Variants in AGPAT5 observed in about 807,000 individuals in gnomAD.
AGPAT5 encodes the protein 1-acyl-sn-glycerol-3-phosphate acyltransferase epsilon.
AGPAT5 carries 46 observed loss-of-function variants against 45.6 expected under a neutral mutation model. The ratio of observed to expected loss-of-function variants is 1.01; its 90% CI spans 0.80 to 1.29. AGPAT5 has a LOEUF of 1.29. Ranked by LOEUF, AGPAT5 falls within the 50% of genes most tolerant of loss-of-function variation. The pLI is 0.00. For missense variants in AGPAT5, 673 were observed against 450.7 expected, an observed-to-expected ratio of 1.49 and a Z score of -4.47; for synonymous variants, 272 against 167.0, an observed-to-expected ratio of 1.63 and a Z score of -4.85.
chr8:6,757,962 G>C lies in AGPAT5; in HGVS notation c.*574G>C, dbSNP rs1254828157. On this transcript the variant is annotated 3_prime_UTR_variant, in exon 8 of 8. Coordinates refer to ENST00000285518, the MANE Select transcript of AGPAT5 (RefSeq NM_018361.5). Reference sequence around the variant, plus strand: ...ATGATTTTATTGTATTGCGTTATTAGCTGATTTTACTCATTTTATATTTGC... The same window carrying C: ...ATGATTTTATTGTATTGCGTTATTACCTGATTTTACTCATTTTATATTTGC... 1 of 152,172 alleles carries C rather than the reference G, an allele frequency of 6.6e-6. No individual in the cohort carries two copies. The highest frequency in any genetic ancestry group is 1.5e-5 in the Non-Finnish European group (1 of 68,048). The allele number at this position is 152,172 out of a possible 1,614,324, so 9.4% of individuals were successfully genotyped here.
At chr8:6,715,538 ACCATTCTTCC>A (rs1177898579) in intron 1 of AGPAT5, among the ~76,000 whole-genome samples, 4 of 152,160 alleles carry the variant, frequency 2.6e-5, no homozygotes, top group African/African-American at 9.7e-5. Context: ...CAAAGTAGGC[ACCATTCTTCC>A]TCTTTTACAG....
At chr8:6,719,978 A>C (rs1243816227) in intron 1 of AGPAT5, among the ~76,000 whole-genome samples, 1 of 152,226 alleles carries the variant, frequency 6.6e-6, no homozygotes, top group Non-Finnish European at 1.5e-5. Flanking sequence ...TGTATTGATC[A>C]GTGGTTGGGA....
At chr8:6,756,022 A>G (rs969883108) in intron 7 of AGPAT5, among the ~76,000 whole-genome samples, 1 of 152,238 alleles carries the variant, frequency 6.6e-6, no homozygotes, top group Non-Finnish European at 1.5e-5. Context: ...TTATTTTATA[A>G]GTATTTAGAA....
intron 4 of AGPAT5, among the ~76,000 whole-genome samples, chr8:6,733,554 C>A (rs1385902512): frequency 6.6e-6 from 1 of 152,152 alleles, no homozygotes; most frequent in Non-Finnish European, 1.5e-5. Context: ...AACAGTGACC[C>A]TTTATCCTGT....
At chr8:6,753,783 T>C (rs978754853) in intron 6 of AGPAT5, among the ~76,000 whole-genome samples, 34 of 152,206 alleles carry the variant, frequency 2.2e-4, no homozygotes, top group African/African-American at 7.7e-4. Context: ...ATTAAAATCT[T>C]TATTTTAGTG....
chr8:6,725,207 C>G (rs186476272), intron 2 of AGPAT5, among the ~76,000 whole-genome samples: 2 of 152,270 alleles, frequency 1.3e-5, no homozygotes, highest in Admixed American at 1.3e-4. Context: ...CTTTGTGTAG[C>G]TCTTTAAAGA....
intron 4 of AGPAT5, among the ~76,000 whole-genome samples, chr8:6,735,090 T>C (rs534937604): frequency 3.9e-5 from 6 of 152,326 alleles, no homozygotes; most frequent in African/African-American, 1.2e-4. Context: ...TGGAGCCTTC[T>C]CTGATCCTGC....
At chr8:6,751,509 T>G (rs1017613270) in intron 6 of AGPAT5, among the ~76,000 whole-genome samples, 2 of 152,216 alleles carry the variant, frequency 1.3e-5, no homozygotes, top group East Asian at 3.8e-4. Flanking sequence ...ACAGGAATTC[T>G]TGTAGTCACC....
At chr8:6,733,068 C>G (rs1554511132) in intron 4 of AGPAT5, among the ~76,000 whole-genome samples, 1 of 151,620 alleles carries the variant, frequency 6.6e-6, no homozygotes, top group Non-Finnish European at 1.5e-5. Context: ...ACAGAAAAAC[C>G]AAAAAAGGAT....
chr8:6,737,364 C>T (rs963774753), intron 4 of AGPAT5, among the ~76,000 whole-genome samples: 5 of 152,162 alleles, frequency 3.3e-5, no homozygotes, highest in South Asian at 4.1e-4. Flanking sequence ...AGTCAACTTT[C>T]GTGTGGCTTA....
intron 1 of AGPAT5, among the ~76,000 whole-genome samples, chr8:6,715,999 G>A (rs1426973370): frequency 1.3e-5 from 2 of 152,062 alleles, no homozygotes; most frequent in African/African-American, 2.4e-5. Context: ...TTTCATTCTA[G>A]TCTAGCTTTT....
rs1335398193 is a variant in AGPAT5 at position 6,734,267 on chromosome 8, T to TA, written c.495+1619dup. Among the ~76,000 whole-genome samples, 11 of 150,076 alleles carry TA rather than the reference T, an allele frequency of 7.3e-5. No homozygotes were observed. In the East Asian group the frequency reaches 8.0e-4, roughly 11 times the overall value. ...ATTCGTTTTTTGTTGGTTTTTTTTT[T>TA]AATTTTTTTTTTTACGCCCCCTCCC... On this transcript the variant is annotated intron_variant, in intron 4 of 7. Transcript: ENST00000285518.
intron 5 of AGPAT5, among the ~76,000 whole-genome samples, chr8:6,743,372 T>C (rs931462870): frequency 7.2e-5 from 11 of 152,214 alleles, no homozygotes; most frequent in Non-Finnish European, 2.9e-5. Context: ...AATTGTCCAT[T>C]AGAGAGCTTC....
At position 6,732,430 on chromosome 8, in the gene AGPAT5, T is replaced by C. The variant is rs571305789; in HGVS notation, c.406-131T>C. ...CTTTAGAAGCTAATGTTTGAAGATA[T>C]TAAATATAGATTAAATTCTGAAATG... On this transcript the variant is annotated intron_variant, in intron 3 of 7. Transcript: ENST00000285518. 1.3e-5 allele frequency: 8 copies of C among 607,362 alleles called. No homozygotes were observed. The Admixed American group carries it at 1.9e-4, about 14-fold the overall frequency. The allele number at this position is 607,362 out of a possible 1,614,324, so 37.6% of individuals were successfully genotyped here. A position where few individuals can be genotyped will look rare whatever the true frequency, so the allele number is the denominator to read the frequency against.
intron 2 of AGPAT5, among the ~76,000 whole-genome samples, chr8:6,729,347 T>TC: frequency 6.7e-6 from 1 of 149,588 alleles, no homozygotes; most frequent in East Asian, 1.9e-4. Flanking sequence ...TCTACAGACT[T>TC]TTTTTTTTTT....
At chr8:6,741,431 C>T (rs183733280) in intron 4 of AGPAT5, among the ~76,000 whole-genome samples, 31 of 152,204 alleles carry the variant, frequency 2.0e-4, no homozygotes, top group Non-Finnish European at 1.3e-4. Flanking sequence ...TCATGGCTGA[C>T]CTACCAATGA....
At chr8:6,719,296 A>T (rs1800426582) in intron 1 of AGPAT5, among the ~76,000 whole-genome samples, 1 of 152,240 alleles carries the variant, frequency 6.6e-6, no homozygotes, top group South Asian at 2.1e-4. Context: ...AAGTTCAGTT[A>T]GTTCAGTATG....
intron 4 of AGPAT5, among the ~76,000 whole-genome samples, chr8:6,741,348 A>G (rs1364254469): frequency 1.3e-5 from 2 of 152,130 alleles, no homozygotes; most frequent in East Asian, 3.8e-4. Flanking sequence ...GAGGCTTTGT[A>G]TGAGTCAGCG....
At chr8:6,745,259 C>T (rs924513822) in intron 5 of AGPAT5, 11 of 154,350 alleles carry the variant, frequency 7.1e-5, no homozygotes, top group East Asian at 1.9e-4. Flanking sequence ...CTCTTGATTC[C>T]GTCTACCCTG....
Sources: gnomAD v4.1 joint callset for allele counts (sites outside exome capture counted in the v4.1 genomes callset) on GRCh38, gnomAD v4.1.1 for gene constraint, MANE v1.5 for transcripts, NCBI Gene and HGNC (gene_info 2026-07-23, HGNC 2026-07-21) for gene names.